Variants in DOCK7 observed in about 807,000 individuals in gnomAD.
The protein encoded by DOCK7 is dedicator of cytokinesis 7, also known as dedicator of cytokinesis protein 7.
In DOCK7, 138 loss-of-function variants were observed where a neutral mutation model predicts 271.0. That is an observed-to-expected ratio of 0.51 (90% confidence interval 0.44 to 0.59). The LOEUF is 0.59. DOCK7 is among the 20% of genes least tolerant of loss of function. The pLI, the probability that DOCK7 is intolerant of heterozygous loss-of-function variation, is 0.00. For missense variants in DOCK7, 2,066 were observed against 2,592.4 expected (o/e 0.80, Z 4.41); for synonymous variants, 823 against 876.1 (o/e 0.94, Z 1.07).
chr1:62,613,743 C>T lies in DOCK7; in HGVS notation c.1682+4963G>A, dbSNP rs76054108. On this transcript the variant is annotated intron_variant, in intron 14 of 49. Coordinates refer to ENST00000635253, the MANE Select transcript of DOCK7 (RefSeq NM_001367561.1). ...GATGTCCATTCATTCCCCCTATATT[C>T]ATGCAGTTTTTAATTTTTTCCCTAT... 3.9e-4 allele frequency among the ~76,000 whole-genome samples: 60 copies of T among 152,236 alleles called. 2 individuals carry two copies. In the East Asian group the frequency reaches 0.012, roughly 29 times the overall value.
chr1:62,613,254 T>C (rs1652019972), intron 14 of DOCK7, among the ~76,000 whole-genome samples: 1 of 152,206 alleles, frequency 6.6e-6, no homozygotes, highest in Non-Finnish European at 1.5e-5. Flanking sequence ...GAATTTGATG[T>C]AAACCCCACT....
chr1:62,582,528 G>C (rs10158068), intron 16 of DOCK7, among the ~76,000 whole-genome samples: 120,840 of 120,856 alleles, frequency 1, 60,413 homozygotes, highest in Middle Eastern at 1. Flanking sequence ...CCAGCCTGGG[G>C]GACAGAGCGA....
intron 21 of DOCK7, among the ~76,000 whole-genome samples, chr1:62,553,362 T>A (rs1204659318): frequency 4.5e-3 from 31 of 6,868 alleles, no homozygotes; most frequent in South Asian, 0.015. Flanking sequence ...ATATTTTTTT[T>A]TTTTTTTTTT....
chr1:62,671,804 ATTTT>A (rs57780278), intron 1 of DOCK7, among the ~76,000 whole-genome samples: 1 of 152,088 alleles, frequency 6.6e-6, no homozygotes, highest in African/African-American at 2.4e-5. Context: ...TTTAAAAACA[ATTTT>A]TTTAACAGGA....
chr1:62,528,583 G>C (rs2149371213), intron 30 of DOCK7, among the ~76,000 whole-genome samples: 1 of 152,282 alleles, frequency 6.6e-6, no homozygotes, highest in South Asian at 2.1e-4. Context: ...CAAAATACTT[G>C]AAAGACTGCT....
intron 48 of DOCK7, among the ~76,000 whole-genome samples, chr1:62,466,415 T>C (rs1645679230): frequency 1.3e-5 from 2 of 152,126 alleles, no homozygotes; most frequent in Admixed American, 1.3e-4. Flanking sequence ...GCCTGAACCT[T>C]GAAGGGAAAA....
At chr1:62,495,520 G>C in intron 39 of DOCK7, 61 bp downstream of exon 39, 1 of 1,011,512 alleles carries the variant, frequency 9.9e-7, no homozygotes, top group Non-Finnish European at 1.4e-6. Flanking sequence ...TTCATCTAAT[G>C]CTTACTGTAT....
chr1:62,670,887 C>T (rs1352690851), intron 1 of DOCK7, among the ~76,000 whole-genome samples: 6 of 152,244 alleles, frequency 3.9e-5, no homozygotes, highest in Admixed American at 2.6e-4. Flanking sequence ...TTTGTTCTTT[C>T]GCTCTTTGCA....
chr1:62,470,964 C>G (rs1017980714), intron 48 of DOCK7, among the ~76,000 whole-genome samples: 1 of 152,274 alleles, frequency 6.6e-6, no homozygotes, highest in East Asian at 1.9e-4. Flanking sequence ...ACTCTTTAGA[C>G]AGCAAGATCA....
At chr1:62,602,393 C>A in intron 14 of DOCK7, 1 of 1,595,428 alleles carries the variant, frequency 6.3e-7, no homozygotes, top group Non-Finnish European at 8.6e-7. Context: ...AAGGGGACTA[C>A]ATTCAATCAT....
intron 37 of DOCK7, among the ~76,000 whole-genome samples, chr1:62,502,983 C>T (rs577900519): frequency 6.6e-6 from 1 of 152,062 alleles, no homozygotes; most frequent in East Asian, 1.9e-4. Context: ...AAAAAGAAAG[C>T]AGAGGTCAAA....
At chr1:62,469,606 C>A (rs948415986) in intron 48 of DOCK7, among the ~76,000 whole-genome samples, 1 of 152,126 alleles carries the variant, frequency 6.6e-6, no homozygotes, top group Non-Finnish European at 1.5e-5. Flanking sequence ...GCAAAAGGAA[C>A]AGTCAGCAGA....
chr1:62,598,076 A>G (rs764103387), intron 14 of DOCK7: 2 of 1,571,850 alleles, frequency 1.3e-6, no homozygotes, highest in South Asian at 2.5e-5. Context: ...GTAGAAAATA[A>G]AGAGGGTTCA....
chr1:62,565,694 T>C (rs1281096373), intron 18 of DOCK7, among the ~76,000 whole-genome samples: 1 of 152,140 alleles, frequency 6.6e-6, no homozygotes. Context: ...CAACACAGTA[T>C]TGGAAGTTCT....
intron 49 of DOCK7, among the ~76,000 whole-genome samples, chr1:62,457,322 C>T (rs766767610): frequency 2.0e-4 from 31 of 152,140 alleles, no homozygotes; most frequent in Non-Finnish European, 3.4e-4. Flanking sequence ...TGACATGATG[C>T]TCAAAGGAAA....
At chr1:62,645,619 C>T (rs1381718374) in intron 7 of DOCK7, among the ~76,000 whole-genome samples, 1 of 152,112 alleles carries the variant, frequency 6.6e-6, no homozygotes. Context: ...AATAGTTGCA[C>T]AAATCTAAGA....
At chr1:62,592,625 AGG>A (rs1331694683) in intron 14 of DOCK7, among the ~76,000 whole-genome samples, 4 of 152,194 alleles carry the variant, frequency 2.6e-5, no homozygotes, top group African/African-American at 9.7e-5. Context: ...ACTTAAAAAG[AGG>A]GTAACAAGGA....
chr1:62,556,265 T>C (rs1242394794), intron 20 of DOCK7, among the ~76,000 whole-genome samples: 1 of 152,134 alleles, frequency 6.6e-6, no homozygotes, highest in Non-Finnish European at 1.5e-5. Flanking sequence ...GCTCAACGGA[T>C]ATGTTATTTA....
At chr1:62,646,365 T>G (rs1222340423) in intron 7 of DOCK7, among the ~76,000 whole-genome samples, 11 of 152,140 alleles carry the variant, frequency 7.2e-5, no homozygotes, top group Non-Finnish European at 1.5e-4. Context: ...GAGTGATTAC[T>G]AACAGGTATT....
Sources: gnomAD v4.1 joint callset for allele counts (sites outside exome capture counted in the v4.1 genomes callset) on GRCh38, gnomAD v4.1.1 for gene constraint, MANE v1.5 for transcripts, NCBI Gene and HGNC (gene_info 2026-07-23, HGNC 2026-07-21) for gene names.